Variants in BIRC6 observed in about 807,000 individuals in gnomAD.
The protein encoded by BIRC6 is baculoviral IAP repeat containing 6.
A neutral mutation model predicts 503.3 loss-of-function variants in BIRC6; 98 were observed. That is an observed-to-expected ratio of 0.19 (90% CI 0.17 to 0.23). The LOEUF is 0.23. Ranked by LOEUF, BIRC6 falls within the 10% of genes least tolerant of loss-of-function variation. The pLI is 1.00. For missense variants in BIRC6, 5,360 were observed against 5,806.0 expected (o/e 0.92, Z 2.50); for synonymous variants, 2,240 against 2,078.7 (o/e 1.08, Z -2.11).
At chr2:32,537,945 C>T (rs1572887546) in intron 61 of BIRC6, among the ~76,000 whole-genome samples, 2 of 149,638 alleles carry the variant, frequency 1.3e-5, no homozygotes, top group Non-Finnish European at 3.0e-5. Context: ...CCAGCCTGGG[C>T]GACAGCGAGA....
At chr2:32,473,599 A>G (rs896115846) in intron 33 of BIRC6, among the ~76,000 whole-genome samples, 3 of 151,522 alleles carry the variant, frequency 2.0e-5, no homozygotes, top group African/African-American at 7.3e-5. Flanking sequence ...CCTTTGGATG[A>G]AGGTCAAACT....
Position 32,547,722 on chromosome 2 carries a change from C to G in BIRC6, c.12811-128C>G, listed in dbSNP as rs904690305. The stretch of plus-strand genomic sequence containing the variant: ...CTGGGTCATACAGAAAATCTGTGTT[C>G]AATTTTTTTGAGCAGCCACCAAACT... On this transcript the variant is annotated intron_variant, in intron 63 of 73. Transcript: ENST00000421745. 9 of 786,086 alleles carry G rather than the reference C, an allele frequency of 1.1e-5. No homozygotes were observed. The East Asian group carries it at 2.6e-4, about 22-fold the overall frequency. The allele number at this position is 786,086 out of a possible 1,614,324, so 48.7% of individuals were successfully genotyped here. A position where few individuals can be genotyped will look rare whatever the true frequency, so the allele number is the denominator to read the frequency against.
rs758643556 is a variant in BIRC6, at chr2:32,477,571, G to T, written c.7056G>T (p.Leu2352Phe). Residue 2352 changes from leucine to phenylalanine, a missense_variant, in exon 35 of 74, where the codon TTG (leucine) becomes TTT (phenylalanine). Around this residue, in one of 16 missense-constraint regions of BIRC6, gnomAD observed 2,299 missense variants for 2,267.2 expected, o/e 1.01. Transcript: ENST00000421745. ...TTACATGTCATGCAGATCTCTTATT[G>T]TTTGTTTGTAAGGTATGTAAACTAT... ...MDFTCHADLL[L>F]FVCKVLARIA... 6.8e-6 allele frequency: 11 copies of T among 1,613,152 alleles called. No homozygotes were observed. In the Admixed American group the frequency reaches 1.7e-4, roughly 24 times the overall value.
At position 32,599,644 on chromosome 2, in the gene BIRC6, C is replaced by T. The variant is rs573338213; in HGVS notation, c.13831-95C>T. On this transcript the variant is annotated intron_variant, in intron 69 of 73. Transcript: ENST00000421745. ...CAGAGTGGGACTCCATCTCCAAAAA[C>T]GAAGGTTGTTCTTATTTCATGTTGG... 3.0e-5 allele frequency: 40 copies of T among 1,335,122 alleles called. No homozygotes were observed. The African/African-American group carries it at 3.2e-4, about 11-fold the overall frequency. 82.7% of individuals were successfully genotyped at this position (1,335,122 alleles called of 1,614,324 possible). A position where few individuals can be genotyped will look rare whatever the true frequency, so the allele number is the denominator to read the frequency against.
At chr2:32,511,196 C>CTTTT (rs2054361938) in intron 53 of BIRC6, among the ~76,000 whole-genome samples, 1 of 39,678 alleles carries the variant, frequency 2.5e-5, no homozygotes, top group Non-Finnish European at 5.3e-5. Flanking sequence ...TTTTTCTTTT[C>CTTTT]TTTTCTTTTT....
Position 32,357,499 on chromosome 2 carries a change from C to T in BIRC6, c.325+13C>T. 6.5e-7 allele frequency: 1 copy of T among 1,539,192 alleles called. No individual in the cohort carries two copies. The highest frequency in any genetic ancestry group is 1.2e-5 in the South Asian group (1 of 82,772). Reference sequence around the variant, plus strand: ...TCCGCGCTCAGTGGTGAGTCTTCCGCACGCCGGGCGGGCGCGAAGCCGGGG... The same window carrying T: ...TCCGCGCTCAGTGGTGAGTCTTCCGTACGCCGGGCGGGCGCGAAGCCGGGG... On this transcript the variant is annotated intron_variant, in intron 1 of 73. Transcript: ENST00000421745. The surrounding 1 kb of genome is among the most constrained non-coding windows in gnomAD (Gnocchi z 4.9).
At chr2:32,444,416 G>T (rs1574250644) in intron 20 of BIRC6, among the ~76,000 whole-genome samples, 1 of 152,270 alleles carries the variant, frequency 6.6e-6, no homozygotes, top group Non-Finnish European at 1.5e-5. Flanking sequence ...TAGTTATCAA[G>T]TAGGAATTCA....
intron 66 of BIRC6, among the ~76,000 whole-genome samples, chr2:32,581,893 T>A (rs1278804654): frequency 6.6e-6 from 1 of 152,166 alleles, no homozygotes; most frequent in Non-Finnish European, 1.5e-5. Flanking sequence ...GACGGAGTCT[T>A]ACTCTGTCAC....
intron 8 of BIRC6, among the ~76,000 whole-genome samples, chr2:32,404,504 G>A (rs1390452100): frequency 2.0e-5 from 3 of 151,504 alleles, no homozygotes; most frequent in South Asian, 2.1e-4. Context: ...TAGTAGAGAC[G>A]GGTTTCACCA....
chr2:32,358,402 C>T (rs1051575794), intron 1 of BIRC6, among the ~76,000 whole-genome samples: 1 of 152,036 alleles, frequency 6.6e-6, no homozygotes, highest in Non-Finnish European at 1.5e-5. Flanking sequence ...GCTCAGTGGA[C>T]GGACTGGAGT....
rs539841289 is a variant in BIRC6, at chr2:32,485,789, G to C, written c.7813+30G>C. ...GTAAAATGACCATTTTTAGAGTATT[G>C]CAGTGAATGATTCAGCTCTTCATCA... is the stretch of plus-strand genomic sequence containing the variant. On this transcript the variant is annotated intron_variant, in intron 40 of 73. Transcript: ENST00000421745. The C allele has an allele frequency of 5.8e-6, 8 of 1,369,394 alleles. No homozygotes were observed. The East Asian group carries it at 9.2e-5, about 16-fold the overall frequency. 84.8% of individuals were successfully genotyped at this position (1,369,394 alleles called of 1,614,324 possible). A position where few individuals can be genotyped will look rare whatever the true frequency, so the allele number is the denominator to read the frequency against.
chr2:32,508,376 T>G, intron 51 of BIRC6, 117 bp downstream of exon 51: 1 of 1,280,912 alleles, frequency 7.8e-7, no homozygotes, highest in Non-Finnish European at 1.0e-6. Context: ...AAGGTCTTTG[T>G]TCCATAGGTA....
At chr2:32,590,869 G>A (rs2061348421) in intron 66 of BIRC6, 5 of 985,824 alleles carry the variant, frequency 5.1e-6, no homozygotes, top group South Asian at 9.4e-5. Context: ...AGCGGCCGTC[G>A]CTGATTGCTT....
At chr2:32,549,550 G>A in intron 65 of BIRC6, 69 bp downstream of exon 65, 2 of 1,215,274 alleles carry the variant, frequency 1.6e-6, no homozygotes, top group Non-Finnish European at 2.2e-6. Flanking sequence ...TTGTCTAATA[G>A]TAAGTTTCAG....
intron 3 of BIRC6, among the ~76,000 whole-genome samples, chr2:32,381,296 A>G (rs1038169520): frequency 6.6e-6 from 1 of 152,112 alleles, no homozygotes; most frequent in African/African-American, 2.4e-5. Context: ...CTGCAGCGCA[A>G]TGGCACAATC....
In BIRC6 at chr2:32,473,161, T is replaced by C. The variant is rs1572471513; in HGVS notation, c.6642T>C (p.Asn2214=). Residue 2214 remains asparagine, a synonymous_variant, in exon 33 of 74, where the codon AAT becomes AAC. Coordinates refer to ENST00000421745, the MANE Select transcript of BIRC6 (RefSeq NM_016252.4). The part of the protein sequence containing the change: ...INNNLHTQSL[N]RSSKGSSSLD... ...ATAATCTACACACTCAGAGCTTAAA[T>C]AGATCTTCTAAAGGCAGCAGTAGCC... is the stretch of plus-strand genomic sequence containing the variant. 3 of 1,578,142 alleles carry C rather than the reference T, an allele frequency of 1.9e-6. No homozygotes were observed. In the East Asian group the frequency reaches 6.8e-5, roughly 36 times the overall value.
At chr2:32,608,491 T>G (rs2062626442) in intron 72 of BIRC6, among the ~76,000 whole-genome samples, 1 of 152,162 alleles carries the variant, frequency 6.6e-6, no homozygotes, top group Non-Finnish European at 1.5e-5. Context: ...CTTGGCTCAC[T>G]GCAACCTCCA....
intron 9 of BIRC6, among the ~76,000 whole-genome samples, chr2:32,411,589 TTGCC>T (rs2041892680): frequency 2.0e-5 from 3 of 151,656 alleles, no homozygotes; most frequent in African/African-American, 7.2e-5. Context: ...GCAGTTTCTC[TTGCC>T]ACAGCCTCCT....
rs778652465 is a variant in BIRC6 at position 32,510,507 on chromosome 2, T to C, written c.10238-19T>C. On this transcript the variant is annotated intron_variant, in intron 52 of 73. Coordinates refer to ENST00000421745, the MANE Select transcript of BIRC6 (RefSeq NM_016252.4). The stretch of plus-strand genomic sequence containing the variant: ...CTTGCTTATTTAGCAAACTTTTTCT[T>C]TGGATTCTTTGTTGCAAGATTTGAA... The C allele has an allele frequency of 6.9e-7, 1 of 1,454,032 alleles. No homozygotes were observed. 90.1% of individuals were successfully genotyped at this position (1,454,032 alleles called of 1,614,324 possible). A position where few individuals can be genotyped will look rare whatever the true frequency, so the allele number is the denominator to read the frequency against.
Sources: allele counts gnomAD v4.1 joint callset (sites outside exome capture counted in the v4.1 genomes callset), GRCh38; gene constraint gnomAD v4.1.1; regional missense constraint gnomAD v4.1.1; non-coding constraint Gnocchi (gnomAD v3.1); transcripts MANE v1.5; gene names NCBI Gene and HGNC (gene_info 2026-07-23, HGNC 2026-07-21).